Variants in TTC27 observed in about 807,000 individuals in gnomAD.
TTC27 encodes tetratricopeptide repeat domain 27.
Under a neutral mutation model 115.9 loss-of-function variants are expected in TTC27, and 79 were observed. The observed-to-expected ratio is 0.68, with a 90% confidence interval of 0.57 to 0.82. The LOEUF is 0.82. Among genes scored for constraint, TTC27 ranks in the 40% least tolerant of loss-of-function variants. The probability of loss-of-function intolerance (pLI) is 0.00; values close to 1 mark genes in which losing one functional copy is unlikely to be tolerated. For synonymous variants in TTC27, 401 were observed against 356.0 expected, an observed-to-expected ratio of 1.13 and a Z score of -1.42; for missense variants, 1,054 against 993.1, an observed-to-expected ratio of 1.06 and a Z score of -0.82.
At chr2:32,799,722 G>A (rs1408527198) in intron 16 of TTC27, among the ~76,000 whole-genome samples, 1 of 152,148 alleles carries the variant, frequency 6.6e-6, no homozygotes, top group Non-Finnish European at 1.5e-5. Flanking sequence ...ATCTGCTGCA[G>A]GAATGAAATG....
At chr2:32,803,871 G>T (rs1671042533) in intron 16 of TTC27, among the ~76,000 whole-genome samples, 1 of 152,072 alleles carries the variant, frequency 6.6e-6, no homozygotes, top group Admixed American at 6.5e-5. Context: ...GCCAGGTGTG[G>T]TGGCATGCAT....
At chr2:32,657,941 A>C (rs1242621140) in intron 5 of TTC27, among the ~76,000 whole-genome samples, 1 of 151,856 alleles carries the variant, frequency 6.6e-6, no homozygotes, top group African/African-American at 2.4e-5. Context: ...GTGATTCTCC[A>C]GCCTCAGCCT....
At chr2:32,692,425 G>A (rs1401622990) in intron 9 of TTC27, among the ~76,000 whole-genome samples, 6 of 152,028 alleles carry the variant, frequency 3.9e-5, no homozygotes, top group African/African-American at 1.4e-4. Context: ...GGGGAAGGGG[G>A]ATTGGGAGTT....
chr2:32,664,843 T>G (rs1665708375), intron 6 of TTC27, among the ~76,000 whole-genome samples: 1 of 151,498 alleles, frequency 6.6e-6, no homozygotes. Flanking sequence ...TGCTTTTTTT[T>G]TTTTTTTGAG....
At chr2:32,704,097 A>G (rs35985862) in intron 10 of TTC27, among the ~76,000 whole-genome samples, 20,234 of 152,238 alleles carry the variant, frequency 0.13, 1,705 homozygotes, top group Middle Eastern at 0.24. Context: ...TAAACATCCT[A>G]CTGCCTAATA....
At chr2:32,746,752 C>T (rs1292670403) in intron 12 of TTC27, among the ~76,000 whole-genome samples, 2 of 151,908 alleles carry the variant, frequency 1.3e-5, no homozygotes, top group African/African-American at 4.8e-5. Context: ...TTTTGTAGCT[C>T]ATTATTTGGT....
At chr2:32,733,946 G>A (rs779949150) in intron 11 of TTC27, 23 bp downstream of exon 11, 3 of 1,541,380 alleles carry the variant, frequency 1.9e-6, no homozygotes, top group Admixed American at 3.5e-5. Context: ...TTTGTCATTG[G>A]GTATGGAAAT....
chr2:32,683,959 G>C (rs181144782), intron 9 of TTC27, among the ~76,000 whole-genome samples: 1 of 151,908 alleles, frequency 6.6e-6, no homozygotes, highest in Admixed American at 6.6e-5. Context: ...TTTGTGACCC[G>C]CCTGGCCAAC....
At chr2:32,682,558 A>G (rs965854990) in intron 9 of TTC27, among the ~76,000 whole-genome samples, 2 of 152,114 alleles carry the variant, frequency 1.3e-5, no homozygotes, top group Admixed American at 1.3e-4. Context: ...CTTGCTGCGC[A>G]TCCATTTCCC....
chr2:32,773,877 G>C (rs1050360401), intron 13 of TTC27, among the ~76,000 whole-genome samples: 27 of 152,270 alleles, frequency 1.8e-4, no homozygotes, highest in African/African-American at 6.3e-4. Context: ...GGTATTCCAG[G>C]GCCTATGTCA....
chr2:32,676,846 GTTAAA>G (rs2151886930), intron 8 of TTC27, among the ~76,000 whole-genome samples: 3 of 150,916 alleles, frequency 2.0e-5, no homozygotes, highest in African/African-American at 7.3e-5. Context: ...TTTAAAATTT[GTTAAA>G]TTAATATATG....
chr2:32,766,534 T>C (rs1558333042), intron 13 of TTC27: 1 of 423,576 alleles, frequency 2.4e-6, no homozygotes, highest in African/African-American at 2.0e-5. Flanking sequence ...AGTCAGAACA[T>C]ACACAGCATT....
intron 12 of TTC27, among the ~76,000 whole-genome samples, chr2:32,741,536 C>A (rs1360834284): frequency 2.0e-5 from 3 of 151,974 alleles, no homozygotes; most frequent in East Asian, 1.9e-4. Flanking sequence ...CCTGTAGTCC[C>A]AGCTACTTGG....
chr2:32,809,256 C>T (rs1212245950), intron 16 of TTC27, among the ~76,000 whole-genome samples: 1 of 152,236 alleles, frequency 6.6e-6, no homozygotes, highest in Non-Finnish European at 1.5e-5. Context: ...CTCAGCTACG[C>T]TTTCTGAAAG....
At chr2:32,641,947 C>G (rs1181050311) in intron 4 of TTC27, among the ~76,000 whole-genome samples, 1 of 152,180 alleles carries the variant, frequency 6.6e-6, no homozygotes, top group Non-Finnish European at 1.5e-5. Context: ...GCTCCACCTC[C>G]TGGGTTCACA....
intron 5 of TTC27, among the ~76,000 whole-genome samples, chr2:32,653,862 C>A (rs1181441722): frequency 6.6e-6 from 1 of 152,032 alleles, no homozygotes; most frequent in Non-Finnish European, 1.5e-5. Flanking sequence ...CCAGGGAGAA[C>A]CTCCTGATTT....
intron 10 of TTC27, among the ~76,000 whole-genome samples, chr2:32,707,430 G>T (rs1218351706): frequency 2.0e-5 from 3 of 152,148 alleles, no homozygotes; most frequent in African/African-American, 7.2e-5. Flanking sequence ...TCCCACCACT[G>T]TTGCATCGGG....
At chr2:32,760,201 C>A (rs1669387990) in intron 13 of TTC27, among the ~76,000 whole-genome samples, 1 of 152,140 alleles carries the variant, frequency 6.6e-6, no homozygotes, top group South Asian at 2.1e-4. Flanking sequence ...TTAGAACTTT[C>A]CAAATCAGGT....
At chr2:32,732,827 A>G (rs758099342) in intron 10 of TTC27, among the ~76,000 whole-genome samples, 21 of 152,060 alleles carry the variant, frequency 1.4e-4, no homozygotes, top group Non-Finnish European at 1.5e-5. Flanking sequence ...CTACCGTCTA[A>G]TCCTCATAAG....
Sources: gnomAD v4.1 joint callset for allele counts (sites outside exome capture counted in the v4.1 genomes callset) on GRCh38, gnomAD v4.1.1 for gene constraint, MANE v1.5 for transcripts, NCBI Gene and HGNC (gene_info 2026-07-23, HGNC 2026-07-21) for gene names.